ALG12: variants seen among roughly 807,000 people sequenced by gnomAD.
The protein encoded by ALG12 is ALG12 alpha-1,6-mannosyltransferase.
In ALG12, 36 loss-of-function variants were observed where a neutral mutation model predicts 46.0. The observed-to-expected ratio is 0.78, with a 90% CI of 0.60 to 1.03. The LOEUF (loss-of-function observed/expected upper bound fraction) is 1.03, where lower values mean the gene tolerates loss of function less well. Ranked by LOEUF, ALG12 falls within the 50% of genes least tolerant of loss-of-function variation. The probability of loss-of-function intolerance (pLI) is 0.00; values close to 1 mark genes in which losing one functional copy is unlikely to be tolerated. For synonymous variants in ALG12, 326 were observed against 291.6 expected (o/e 1.12, Z -1.20); for missense variants, 599 against 633.5 (o/e 0.95, Z 0.58).
rs769138662 is a variant in ALG12, at chr22:49,907,849, C to A, written c.864G>T (p.Thr288=). ...CCAGTGCCAGCACCGTCGGCGCGTG[C>A]GTCCTTCTGTCTACCAAGCCCAGGG... The part of the protein sequence containing the change: ...FIPLGLVDRR[T]HAPTVLALGF... Residue 288 remains threonine, a synonymous_variant, in exon 7 of 10, where the codon ACG becomes ACT. Coordinates refer to ENST00000330817, the MANE Select transcript of ALG12 (RefSeq NM_024105.4). The A allele has an allele frequency of 8.1e-6, 13 of 1,613,972 alleles. No individual in the cohort carries two copies. In the East Asian group the frequency reaches 2.0e-4, roughly 25 times the overall value.
intron 3 of ALG12, among the ~76,000 whole-genome samples, chr22:49,913,122 G>A (rs2060588911): frequency 6.6e-6 from 1 of 152,228 alleles, no homozygotes; most frequent in African/African-American, 2.4e-5. Context: ...GGTGGCGAGA[G>A]CTGCCTCACA....
At chr22:49,910,147 C>A in intron 4 of ALG12, 59 bp from the exon 5 acceptor site, 2 of 1,524,610 alleles carry the variant, frequency 1.3e-6, no homozygotes, top group Non-Finnish European at 1.8e-6. Flanking sequence ...GCCCAGAAAA[C>A]ACCCGGGGAA....
chr22:49,870,854 T>G, the ALG12 span, among the ~76,000 whole-genome samples: 1 of 152,140 alleles, frequency 6.6e-6, no homozygotes, highest in East Asian at 1.9e-4. Context: ...AATTTTTGTT[T>G]CTGTTACAAT....
chr22:49,879,189 A>T, the ALG12 span, among the ~76,000 whole-genome samples: 1 of 150,308 alleles, frequency 6.7e-6, no homozygotes, highest in Non-Finnish European at 1.5e-5. Context: ...AAGTGGCGCA[A>T]TCTCGGCTCA....
the ALG12 span, among the ~76,000 whole-genome samples, chr22:49,867,948 A>G: frequency 2.0e-5 from 3 of 152,242 alleles, no homozygotes; most frequent in Admixed American, 1.3e-4. Flanking sequence ...AGTGTTGAAT[A>G]TCTCATGTAA....
At chr22:49,884,149 C>T in the ALG12 span, 4 of 1,613,610 alleles carry the variant, frequency 2.5e-6, no homozygotes, top group Admixed American at 1.7e-5. Context: ...GCACGTGAGG[C>T]GCGCACACCC....
At chr22:49,861,054 G>T in the ALG12 span, among the ~76,000 whole-genome samples, 1 of 151,684 alleles carries the variant, frequency 6.6e-6, no homozygotes, top group Non-Finnish European at 1.5e-5. Context: ...GGGATAATGG[G>T]CATGAGCCAC....
the ALG12 span, chr22:49,885,882 C>T: frequency 1.7e-6 from 2 of 1,206,062 alleles, no homozygotes; most frequent in Non-Finnish European, 2.5e-6. Flanking sequence ...GTAACCAGAC[C>T]CGTGAGTACC....
the ALG12 span, among the ~76,000 whole-genome samples, chr22:49,871,892 C>T: frequency 6.6e-6 from 1 of 151,852 alleles, no homozygotes; most frequent in Non-Finnish European, 1.5e-5. Context: ...ATTACAGGTG[C>T]ACACCAACAT....
the ALG12 span, among the ~76,000 whole-genome samples, chr22:49,893,417 GGGA>G: frequency 3.3e-5 from 5 of 152,234 alleles, no homozygotes; most frequent in African/African-American, 1.2e-4. Flanking sequence ...AGCAGAGGGA[GGGA>G]GGAGAGACAC....
Position 49,903,345 on chromosome 22 carries a change from C to T in ALG12, c.*493G>A. 1 of 457,764 alleles carries T rather than the reference C, an allele frequency of 2.2e-6. No homozygotes were observed. The highest frequency in any genetic ancestry group is 2.0e-5 in the African/African-American group (1 of 50,224). The allele number at this position is 457,764 out of a possible 1,614,324, so 28.4% of individuals were successfully genotyped here. A position where few individuals can be genotyped will look rare whatever the true frequency, so the allele number is the denominator to read the frequency against. ...GTGAATACAAAAGTTGCAGTGGTGG[C>T]ACCAGGGTGGGGGGGTGCGGCCGGG... On this transcript the variant is annotated 3_prime_UTR_variant, in exon 10 of 10. Transcript: ENST00000330817.
chr22:49,861,833 G>T, the ALG12 span, among the ~76,000 whole-genome samples: 2 of 152,188 alleles, frequency 1.3e-5, no homozygotes, highest in Non-Finnish European at 2.9e-5. Flanking sequence ...TGTGACTGAC[G>T]TTGCCGTGTG....
At chr22:49,907,679 C>T in intron 7 of ALG12, 42 bp downstream of exon 7, 1 of 1,590,106 alleles carries the variant, frequency 6.3e-7, no homozygotes, top group Non-Finnish European at 8.6e-7. Flanking sequence ...AACCTGTTTC[C>T]AATGAAACTA....
At chr22:49,865,515 C>T in the ALG12 span, among the ~76,000 whole-genome samples, 12 of 151,798 alleles carry the variant, frequency 7.9e-5, no homozygotes, top group Non-Finnish European at 1.2e-4. Flanking sequence ...AATAATAACC[C>T]GTCTCTATTA....
intron 3 of ALG12, among the ~76,000 whole-genome samples, chr22:49,910,943 A>C (rs9616369): frequency 0.36 from 54,442 of 152,138 alleles, 13,904 homozygotes; most frequent in African/African-American, 0.73. Context: ...TCTCCAGGGG[A>C]AATGTTTGCA....
the ALG12 span, among the ~76,000 whole-genome samples, chr22:49,867,243 A>G: frequency 8.5e-5 from 13 of 152,158 alleles, no homozygotes; most frequent in Non-Finnish European, 1.8e-4. Flanking sequence ...ATTTAACTCC[A>G]TTGTGTTTAG....
chr22:49,886,649 C>T, the ALG12 span: 62 of 1,598,916 alleles, frequency 3.9e-5, no homozygotes, highest in Non-Finnish European at 5.2e-5. This position sits in a 1 kb window ranked among gnomAD's most constrained non-coding sequence, Gnocchi z 7.7. Flanking sequence ...CTGTCTGCCA[C>T]CCTCCACGAC....
chr22:49,887,833 G>T, the ALG12 span: 1 of 167,210 alleles, frequency 6.0e-6, no homozygotes, highest in African/African-American at 2.4e-5. Flanking sequence ...GGCTTTACAT[G>T]GTCAGTTAAC....
downstream of ALG12, chr22:49,900,126 T>C (rs529146350): frequency 5.9e-5 from 9 of 152,450 alleles, no homozygotes; most frequent in African/African-American, 2.2e-4. Flanking sequence ...TTTGCAACAC[T>C]GTACTCCAGC....
Sources: gnomAD v4.1 joint callset for allele counts (sites outside exome capture counted in the v4.1 genomes callset) on GRCh38, gnomAD v4.1.1 for gene constraint, Gnocchi (gnomAD v3.1) non-coding constraint, MANE v1.5 for transcripts, NCBI Gene and HGNC (gene_info 2026-07-23, HGNC 2026-07-21) for gene names.